The following GNL2 variants were observed in gnomAD, a reference collection of about 807,000 sequenced individuals.
GNL2 encodes G protein nucleolar 2.
A neutral mutation model predicts 92.3 loss-of-function variants in GNL2; 51 were observed. The ratio of observed to expected loss-of-function variants is 0.55; its 90% CI spans 0.44 to 0.70. The LOEUF (loss-of-function observed/expected upper bound fraction) is 0.70. GNL2 is among the 30% of genes least tolerant of loss of function. The pLI, the probability that GNL2 is intolerant of heterozygous loss-of-function variation, is 0.00. For missense variants in GNL2, 844 were observed against 895.6 expected, an observed-to-expected ratio of 0.94 and a Z score of 0.74; for synonymous variants, 283 against 300.6, an observed-to-expected ratio of 0.94 and a Z score of 0.61.
At chr1:37,576,013 T>A (rs1341914129) in intron 9 of GNL2, among the ~76,000 whole-genome samples, 1 of 152,228 alleles carries the variant, frequency 6.6e-6, no homozygotes, top group African/African-American at 2.4e-5. Flanking sequence ...TTAGTACTGC[T>A]TGACCTCATT....
At chr1:37,568,435 TCA>T (rs1347082153) in intron 13 of GNL2, 78 bp from the exon 14 acceptor site, 2 of 903,630 alleles carry the variant, frequency 2.2e-6, no homozygotes, top group East Asian at 4.9e-5. Flanking sequence ...TGCGACAAAC[TCA>T]CAGACTAAAG....
At position 37,566,829 on chromosome 1, in the gene GNL2, A is replaced by G; in HGVS notation, c.*26T>C. 1 of 1,603,308 alleles carries G rather than the reference A, an allele frequency of 6.2e-7. No homozygotes were observed. On this transcript the variant is annotated 3_prime_UTR_variant, in exon 16 of 16. Coordinates refer to ENST00000373062, the MANE Select transcript of GNL2 (RefSeq NM_013285.3). ...ACAATTTCTAACTGCCTGTTTTTGT[A>G]TAATTTAATAAAAACCTTTTAAACA...
Position 37,574,737 on chromosome 1 carries a change from G to A in GNL2, c.1230C>T (p.Tyr410=), listed in dbSNP as rs978087028. The A allele has an allele frequency of 5.0e-6, 8 of 1,613,544 alleles. No individual in the cohort carries two copies. The highest frequency in any genetic ancestry group is 6.8e-6 in the Non-Finnish European group (8 of 1,179,464). Reference sequence around the variant, plus strand: ...CAGCATTCTCCCAAGAATCAATCTTGTATGTTTTGCTGATATATTCTGGCT... The same window carrying A: ...CAGCATTCTCCCAAGAATCAATCTTATATGTTTTGCTGATATATTCTGGCT... ...RAKPEYISKT[Y]KIDSWENAED... Residue 410 remains tyrosine (Y), a synonymous_variant, in exon 11 of 16, where the codon TAC becomes TAT. Transcript: ENST00000373062.
intron 5 of GNL2, among the ~76,000 whole-genome samples, chr1:37,585,617 C>T (rs1643839292): frequency 1.3e-5 from 2 of 152,134 alleles, no homozygotes; most frequent in African/African-American, 4.8e-5. Flanking sequence ...ATACCTGTTG[C>T]GGAAGGAAAA....
chr1:37,593,027 T>C (rs1277322565), intron 2 of GNL2, among the ~76,000 whole-genome samples: 1 of 152,182 alleles, frequency 6.6e-6, no homozygotes, highest in Non-Finnish European at 1.5e-5. Flanking sequence ...TTCTGCTAGA[T>C]GAATAACAAC....
In GNL2 at chr1:37,590,821, G is replaced by A. The variant is rs1462733147; in HGVS notation, c.269C>T (p.Ser90Leu). The A allele has an allele frequency of 6.2e-7, 1 of 1,601,010 alleles. No homozygotes were observed. The highest frequency in any genetic ancestry group is 8.5e-7 in the Non-Finnish European group (1 of 1,173,576). ...WFGNTRVIKQ[S>L]SLQKFQEEMD... ...TTCCTCTTGAAATTTTTGTAATGAT[G>A]ACTGCTTAATCACACGTGTGTTTCC... The change falls in exon 4 of 16, where the codon TCA becomes TTA. Residue 90 changes from serine (S) to leucine (L), a missense_variant. Ser to Leu is a moderately radical substitution (Grantham distance 145, BLOSUM62 -2). Transcript: ENST00000373062.
At chr1:37,582,144 T>C (rs1205718455) in intron 8 of GNL2, 79 bp downstream of exon 8, 2 of 939,338 alleles carry the variant, frequency 2.1e-6, no homozygotes, top group Non-Finnish European at 1.6e-6. Context: ...GGCAACTTTC[T>C]GCTATGCCAT....
Position 37,569,239 on chromosome 1 carries a change from C to T in GNL2, c.1480G>A (p.Val494Ile), listed in dbSNP as rs371807583. Residue 494 changes from valine to isoleucine, a missense_variant, in exon 13 of 16, where the codon GTC (valine) becomes ATC (isoleucine). Val to Ile is a conservative substitution (Grantham distance 29). Transcript: ENST00000373062. Reference sequence around the variant, plus strand: ...GACCCTTCACCTGCAGTTTCTGTGACTTCCTCCCCTGGATTGTTCTGGGCT... The same window carrying T: ...GACCCTTCACCTGCAGTTTCTGTGATTTCCTCCCCTGGATTGTTCTGGGCT... ...EAAQNNPGEE[V>I]TETAGEGSES... 1.9e-6 allele frequency: 3 copies of T among 1,613,614 alleles called. No individual in the cohort carries two copies. Among genetic ancestry groups the T allele is most frequent in the East Asian group, 4.5e-5 (2 of 44,898 alleles).
At chr1:37,583,003 A>T in intron 6 of GNL2, 67 bp from the exon 7 acceptor site, 1 of 1,049,368 alleles carries the variant, frequency 9.5e-7, no homozygotes, top group Non-Finnish European at 1.4e-6. Context: ...CATTTAAGGG[A>T]GTCTGGGAAA....
At position 37,595,701 on chromosome 1, in the gene GNL2, G is replaced by C; in HGVS notation, c.64+58C>G. 2.8e-6 allele frequency: 4 copies of C among 1,445,218 alleles called. No homozygotes were observed. The South Asian group carries it at 4.6e-5, about 17-fold the overall frequency. The allele number at this position is 1,445,218 out of a possible 1,614,324, so 89.5% of individuals were successfully genotyped here. On this transcript the variant is annotated intron_variant, in intron 1 of 15. Coordinates refer to ENST00000373062, the MANE Select transcript of GNL2 (RefSeq NM_013285.3). Reference sequence around the variant, plus strand: ...CCCTCCTTCCCCTCCAGTGCTCCTCGGAGCCCTTCCCTATACTTCCTCCAA... The same window carrying C: ...CCCTCCTTCCCCTCCAGTGCTCCTCCGAGCCCTTCCCTATACTTCCTCCAA...
chr1:37,587,049 C>T (rs1216187113), intron 5 of GNL2, among the ~76,000 whole-genome samples: 1 of 152,084 alleles, frequency 6.6e-6, no homozygotes, highest in Non-Finnish European at 1.5e-5. Flanking sequence ...TGTGGATTGC[C>T]TGAGCTCACG....
chr1:37,568,792 T>C (rs1460628656), intron 13 of GNL2, 59 bp downstream of exon 13: 8 of 1,283,524 alleles, frequency 6.2e-6, no homozygotes, highest in Non-Finnish European at 8.9e-6. Context: ...CTGGTACTCA[T>C]GGCAAATTTT....
chr1:37,572,110 A>G (rs1268785378), intron 12 of GNL2, among the ~76,000 whole-genome samples: 1 of 152,094 alleles, frequency 6.6e-6, no homozygotes, highest in Admixed American at 6.6e-5. Flanking sequence ...CCACTGCCTC[A>G]GAGGCCTTCC....
At chr1:37,581,704 G>A (rs565088156) in intron 8 of GNL2, among the ~76,000 whole-genome samples, 1 of 152,240 alleles carries the variant, frequency 6.6e-6, no homozygotes, top group African/African-American at 2.4e-5. Context: ...TCGCTCTGTC[G>A]CCCAGGCTGG....
intron 5 of GNL2, among the ~76,000 whole-genome samples, chr1:37,586,607 C>G (rs1199725110): frequency 6.6e-6 from 1 of 152,192 alleles, no homozygotes; most frequent in Non-Finnish European, 1.5e-5. Flanking sequence ...ACTCAGAGAC[C>G]TCCAGTTAAG....
intron 5 of GNL2, among the ~76,000 whole-genome samples, chr1:37,586,431 G>A (rs951885500): frequency 2.0e-5 from 3 of 152,048 alleles, no homozygotes; most frequent in African/African-American, 7.2e-5. Flanking sequence ...CTCCTTTTGA[G>A]TATGGATCCC....
intron 8 of GNL2, among the ~76,000 whole-genome samples, chr1:37,576,937 C>T (rs1643687598): frequency 6.6e-6 from 1 of 152,076 alleles, no homozygotes; most frequent in Non-Finnish European, 1.5e-5. Flanking sequence ...CATGATGAAA[C>T]CCTGTCTCTA....
At chr1:37,582,724 T>A (rs930545636) in intron 7 of GNL2, 54 bp downstream of exon 7, 1 of 1,414,564 alleles carries the variant, frequency 7.1e-7, no homozygotes, top group African/African-American at 1.4e-5. Flanking sequence ...GCCCTACAAC[T>A]GACTTACTAA....
chr1:37,584,475 AAAG>A (rs1315875183), intron 5 of GNL2, among the ~76,000 whole-genome samples: 11 of 131,990 alleles, frequency 8.3e-5, no homozygotes, highest in African/African-American at 1.3e-4. Flanking sequence ...AAAAAAAAAA[AAAG>A]AAGAAGAAAA....
Sources: gnomAD v4.1 joint callset for allele counts (sites outside exome capture counted in the v4.1 genomes callset) on GRCh38, gnomAD v4.1.1 for gene constraint, MANE v1.5 for transcripts, NCBI Gene and HGNC (gene_info 2026-07-23, HGNC 2026-07-21) for gene names.